Variants in CORIN observed in about 807,000 individuals in gnomAD.
CORIN encodes the protein atrial natriuretic peptide-converting enzyme.
Under a neutral mutation model 125.3 loss-of-function variants are expected in CORIN, and 117 were observed. The ratio of observed to expected loss-of-function variants is 0.93; its 90% CI spans 0.80 to 1.09. The LOEUF (loss-of-function observed/expected upper bound fraction) is 1.09, where lower values mean the gene tolerates loss of function less well. Among genes scored for constraint, CORIN ranks in the 50% least tolerant of loss-of-function variants. The probability of loss-of-function intolerance (pLI) is 0.00; values close to 1 mark genes in which losing one functional copy is unlikely to be tolerated. For missense variants in CORIN, 1,253 were observed against 1,306.7 expected (o/e 0.96, Z 0.63); for synonymous variants, 450 against 466.4 (o/e 0.96, Z 0.45).
At chr4:47,674,881 G>A (rs1050470013) in intron 9 of CORIN, among the ~76,000 whole-genome samples, 1 of 152,190 alleles carries the variant, frequency 6.6e-6, no homozygotes, top group African/African-American at 2.4e-5. Context: ...TGAATATTAA[G>A]TGACACTTTT....
intron 13 of CORIN, among the ~76,000 whole-genome samples, chr4:47,652,928 T>C (rs2109642069): frequency 6.6e-6 from 1 of 152,326 alleles, no homozygotes; most frequent in Admixed American, 6.5e-5. Context: ...AATTTAATAA[T>C]AAAAATAATT....
chr4:47,730,359 G>C (rs1727814178), intron 5 of CORIN, among the ~76,000 whole-genome samples: 1 of 151,620 alleles, frequency 6.6e-6, no homozygotes, highest in Non-Finnish European at 1.5e-5. Flanking sequence ...TGTAGTCCTA[G>C]CTACTCGGGA....
chr4:47,684,381 G>A (rs1179160549), intron 6 of CORIN, among the ~76,000 whole-genome samples: 1 of 152,210 alleles, frequency 6.6e-6, no homozygotes, highest in Non-Finnish European at 1.5e-5. Flanking sequence ...AAGATGAGAA[G>A]TGCTATGTAA....
chr4:47,751,324 G>C (rs190108763), intron 4 of CORIN, among the ~76,000 whole-genome samples: 1 of 152,232 alleles, frequency 6.6e-6, no homozygotes, highest in Non-Finnish European at 1.5e-5. Context: ...TTATGTTTTT[G>C]GTGGTAATAC....
intron 15 of CORIN, 144 bp downstream of exon 15, chr4:47,643,002 G>A: frequency 1.3e-6 from 2 of 1,539,618 alleles, no homozygotes; most frequent in Non-Finnish European, 8.7e-7. Flanking sequence ...AACACACATA[G>A]ATCAGCACTA....
intron 3 of CORIN, among the ~76,000 whole-genome samples, chr4:47,764,639 G>A (rs1453607149): frequency 6.6e-6 from 1 of 152,124 alleles, no homozygotes; most frequent in African/African-American, 2.4e-5. Flanking sequence ...GAGGTGCATA[G>A]CCATTATGTA....
rs776807042 is a variant in CORIN, at chr4:47,665,129, C to T, written c.1492G>A (p.Val498Ile). The part of the protein sequence containing the change: ...SWESSLFPAL[V>I]QTNCYKYLMF... Reference sequence around the variant, plus strand: ...AGGTATTTATAACAGTTGGTTTGAACAAGTGCAGGGAAAAGAGAAGACTCC... The same window carrying T: ...AGGTATTTATAACAGTTGGTTTGAATAAGTGCAGGGAAAAGAGAAGACTCC... Residue 498 changes from valine to isoleucine, a missense_variant, in exon 11 of 22, where the codon GTT (valine) becomes ATT (isoleucine). Coordinates refer to ENST00000273857, the MANE Select transcript of CORIN (RefSeq NM_006587.4). 6.2e-7 allele frequency: 1 copy of T among 1,613,840 alleles called. No individual in the cohort carries two copies. The highest frequency in any genetic ancestry group is 2.2e-5 in the East Asian group (1 of 44,836).
At chr4:47,829,093 G>A (rs1377057294) in intron 1 of CORIN, among the ~76,000 whole-genome samples, 2 of 136,290 alleles carry the variant, frequency 1.5e-5, no homozygotes, top group Non-Finnish European at 1.5e-5. Context: ...GGGAGGCGGA[G>A]CTTGCAGTGA....
At chr4:47,762,777 C>A (rs1053385787) in intron 4 of CORIN, among the ~76,000 whole-genome samples, 1 of 152,164 alleles carries the variant, frequency 6.6e-6, no homozygotes, top group African/African-American at 2.4e-5. Context: ...TGATGAGAGG[C>A]ACTGGCAGAT....
chr4:47,800,483 G>C (rs578210461), intron 2 of CORIN, among the ~76,000 whole-genome samples: 7 of 152,250 alleles, frequency 4.6e-5, no homozygotes, highest in Middle Eastern at 3.4e-3. Context: ...TAAAATGACA[G>C]TGGTATAGCT....
chr4:47,659,588 C>T (rs576112535), intron 12 of CORIN, among the ~76,000 whole-genome samples: 1 of 152,092 alleles, frequency 6.6e-6, no homozygotes, highest in Non-Finnish European at 1.5e-5. Flanking sequence ...AGAGATGCTA[C>T]AGCACTTTTA....
At chr4:47,646,568 G>A (rs942852996) in intron 13 of CORIN, among the ~76,000 whole-genome samples, 19 of 152,096 alleles carry the variant, frequency 1.2e-4, no homozygotes, top group Admixed American at 9.2e-4. Context: ...ATGTCATTCC[G>A]GTCAGATCCC....
intron 6 of CORIN, among the ~76,000 whole-genome samples, chr4:47,688,806 AC>A (rs1725638915): frequency 6.6e-6 from 1 of 152,228 alleles, no homozygotes; most frequent in African/African-American, 2.4e-5. Context: ...TTGCCACTAT[AC>A]AAAAAAGTAA....
At chr4:47,647,346 TTG>T (rs1361005594) in intron 13 of CORIN, among the ~76,000 whole-genome samples, 15 of 152,100 alleles carry the variant, frequency 9.9e-5, no homozygotes, top group African/African-American at 2.9e-4. Context: ...AACATACCAC[TTG>T]CTAATAGAGA....
intron 4 of CORIN, among the ~76,000 whole-genome samples, chr4:47,746,930 A>G (rs1384210352): frequency 6.6e-6 from 1 of 152,172 alleles, no homozygotes; most frequent in Non-Finnish European, 1.5e-5. Context: ...TGTGCATTGA[A>G]TCAGTATTTG....
intron 2 of CORIN, among the ~76,000 whole-genome samples, chr4:47,797,643 A>G (rs1281228820): frequency 6.6e-6 from 1 of 152,106 alleles, no homozygotes; most frequent in Non-Finnish European, 1.5e-5. Context: ...GACAAAATGC[A>G]TGTTTAGTTA....
intron 12 of CORIN, among the ~76,000 whole-genome samples, chr4:47,655,851 A>G (rs1436696525): frequency 1.2e-5 from 1 of 81,994 alleles, no homozygotes; most frequent in Admixed American, 1.6e-4. Flanking sequence ...TTTCAGCAGA[A>G]AAAAAAAAAA....
chr4:47,728,619 T>G (rs1242775295), intron 5 of CORIN, among the ~76,000 whole-genome samples: 1 of 152,212 alleles, frequency 6.6e-6, no homozygotes, highest in Non-Finnish European at 1.5e-5. Context: ...CTTATGATCA[T>G]ACATATTAAA....
intron 5 of CORIN, among the ~76,000 whole-genome samples, chr4:47,704,872 A>C (rs16860620): frequency 0.022 from 3,277 of 152,178 alleles, 111 homozygotes; most frequent in African/African-American, 0.075. Flanking sequence ...AGGGTAGGAC[A>C]CGTGCAGTTC....
Sources: allele counts gnomAD v4.1 joint callset (sites outside exome capture counted in the v4.1 genomes callset), GRCh38; gene constraint gnomAD v4.1.1; transcripts MANE v1.5; gene names NCBI Gene and HGNC (gene_info 2026-07-23, HGNC 2026-07-21).